Variants in CDH10 observed in about 807,000 individuals in gnomAD.
The protein encoded by CDH10 is cadherin-10.
CDH10 carries 30 observed loss-of-function variants against 73.1 expected under a neutral mutation model. That is an observed-to-expected ratio of 0.41 (90% CI 0.31 to 0.56). CDH10 has a LOEUF of 0.56. Among genes scored for constraint, CDH10 ranks in the 20% least tolerant of loss-of-function variants. The pLI, the probability that CDH10 is intolerant of heterozygous loss-of-function variation, is 0.27. For synonymous variants in CDH10, 345 were observed against 348.2 expected, an observed-to-expected ratio of 0.99 and a Z score of 0.10; for missense variants, 815 against 973.7, an observed-to-expected ratio of 0.84 and a Z score of 2.17.
chr5:24,527,307 TTAAA>T (rs1408861441), intron 5 of CDH10, among the ~76,000 whole-genome samples: 2 of 147,562 alleles, frequency 1.4e-5, no homozygotes, highest in African/African-American at 2.5e-5. Context: ...ATTTATATAA[TTAAA>T]TATACAGTCT....
intron 1 of CDH10, among the ~76,000 whole-genome samples, chr5:24,639,964 G>A (rs957898332): frequency 5.3e-5 from 8 of 151,702 alleles, no homozygotes; most frequent in African/African-American, 4.8e-5. Flanking sequence ...AAACTACACT[G>A]GTGCCAATTT....
chr5:24,529,714 C>T (rs1330129312), intron 5 of CDH10, among the ~76,000 whole-genome samples: 2 of 151,904 alleles, frequency 1.3e-5, no homozygotes, highest in Non-Finnish European at 2.9e-5. Flanking sequence ...CTCAATCATA[C>T]AGTGACCTTT....
chr5:24,590,645 G>A (rs1440659201), intron 2 of CDH10, among the ~76,000 whole-genome samples: 1 of 151,980 alleles, frequency 6.6e-6, no homozygotes, highest in Non-Finnish European at 1.5e-5. Context: ...GTTTCTATCT[G>A]AGAAATTATA....
At chr5:24,551,893 C>T (rs1351987974) in intron 2 of CDH10, among the ~76,000 whole-genome samples, 3 of 152,126 alleles carry the variant, frequency 2.0e-5, no homozygotes, top group Admixed American at 6.5e-5. Context: ...CTTCCTTATC[C>T]ATCTTTTAGA....
rs529527908 is a variant in CDH10, at chr5:24,591,139, A to ATCC, written c.231+2120_231+2121insGGA. 3.6e-3 allele frequency among the ~76,000 whole-genome samples: 546 copies of ATCC among 151,608 alleles called. 1 individual carries two copies. Among genetic ancestry groups the ATCC allele is most frequent in the Middle Eastern group, 0.014 (4 of 294 alleles). On this transcript the variant is annotated intron_variant, in intron 2 of 11. Coordinates refer to ENST00000264463, the MANE Select transcript of CDH10 (RefSeq NM_006727.5). ...ATGTTAAACATTGCCTTTTTGTCAT[A>ATCC]TCATGTGTATGTTTATCTCTTAAAT...
chr5:24,620,380 A>C (rs1747271932), intron 1 of CDH10, among the ~76,000 whole-genome samples: 1 of 152,170 alleles, frequency 6.6e-6, no homozygotes, highest in Non-Finnish European at 1.5e-5. Flanking sequence ...TGAGAAAAAA[A>C]ATTATTAAAA....
At chr5:24,493,028 C>A in intron 9 of CDH10, 103 bp from the exon 10 acceptor site, 1 of 629,856 alleles carries the variant, frequency 1.6e-6, no homozygotes, top group Non-Finnish European at 2.9e-6. Context: ...AAATAATTGA[C>A]TTTTATTTCA....
At chr5:24,520,309 A>C (rs1743266370) in intron 5 of CDH10, among the ~76,000 whole-genome samples, 1 of 152,214 alleles carries the variant, frequency 6.6e-6, no homozygotes, top group South Asian at 2.1e-4. Context: ...TGTGAGCTAT[A>C]CTTATATGGA....
rs774126411 is a variant in CDH10, at chr5:24,491,657, T to C, written c.1795A>G (p.Ser599Gly). 2 of 1,613,946 alleles carry C rather than the reference T, an allele frequency of 1.2e-6. No individual in the cohort carries two copies. The highest frequency in any genetic ancestry group is 1.3e-5 in the African/African-American group (1 of 75,044). ...CDSQGNMQSC[S>G]AEALLLPAGL... ...GCAGGGAGGAGCAGGGCTTCAGCACTGCAGGATTGCATGTTGCCTTGGCTG... is the reference window on the plus strand; with the variant it reads ...GCAGGGAGGAGCAGGGCTTCAGCACCGCAGGATTGCATGTTGCCTTGGCTG... Residue 599 changes from serine (S) to glycine (G), a missense_variant, in exon 11 of 12, where the codon AGT (serine) becomes GGT (glycine). Around this residue, in one of 3 missense-constraint regions of CDH10, gnomAD observed 241 missense variants for 240.3 expected, o/e 1.00. Coordinates refer to ENST00000264463, the MANE Select transcript of CDH10 (RefSeq NM_006727.5).
intron 2 of CDH10, among the ~76,000 whole-genome samples, chr5:24,553,366 A>T (rs1744621270): frequency 6.6e-6 from 1 of 152,244 alleles, no homozygotes; most frequent in South Asian, 2.1e-4. Flanking sequence ...CTTCTGGGAC[A>T]GTCTATAAAT....
intron 2 of CDH10, among the ~76,000 whole-genome samples, chr5:24,546,661 G>C (rs1348339883): frequency 6.6e-6 from 1 of 151,968 alleles, no homozygotes; most frequent in Non-Finnish European, 1.5e-5. Context: ...TATATAATTT[G>C]TGTGCACAAA....
intron 1 of CDH10, chr5:24,612,812 A>G (rs776267048): frequency 6.6e-6 from 1 of 152,196 alleles, no homozygotes; most frequent in African/African-American, 2.4e-5. Context: ...CATAAATGGA[A>G]CTTTTGAAAT....
At chr5:24,583,316 A>G (rs1745870140) in intron 2 of CDH10, among the ~76,000 whole-genome samples, 1 of 152,084 alleles carries the variant, frequency 6.6e-6, no homozygotes, top group Non-Finnish European at 1.5e-5. Flanking sequence ...GGAATATGTA[A>G]CAAAAAACTG....
At chr5:24,504,541 T>TAAGA in intron 8 of CDH10, among the ~76,000 whole-genome samples, 1 of 122,148 alleles carries the variant, frequency 8.2e-6, no homozygotes, top group South Asian at 2.8e-4. Flanking sequence ...TTTTTTTTTT[T>TAAGA]TTAAGATGGA....
At chr5:24,506,265 A>G (rs76750457) in intron 7 of CDH10, among the ~76,000 whole-genome samples, 2,220 of 152,298 alleles carry the variant, frequency 0.015, 53 homozygotes, top group African/African-American at 0.047. Context: ...CCAGCATGGT[A>G]CGCTGGGCAT....
intron 2 of CDH10, among the ~76,000 whole-genome samples, chr5:24,562,717 C>A (rs144441830): frequency 1.4e-4 from 21 of 152,254 alleles, no homozygotes; most frequent in African/African-American, 5.1e-4. Context: ...TCTATTCTCA[C>A]TCCTTCCACG....
In CDH10 at chr5:24,642,469, G is replaced by GA. The variant is rs774975703; in HGVS notation, c.-124+2124dup. Among the ~76,000 whole-genome samples, 22 of 151,568 alleles carry GA rather than the reference G, an allele frequency of 1.5e-4. No homozygotes were observed. The East Asian group carries it at 2.7e-3, about 19-fold the overall frequency. On this transcript the variant is annotated intron_variant, in intron 1 of 11. Transcript: ENST00000264463. ...TTTCAAGTAGTCTATTTTTCAACAA[G>GA]AAAAAAAACATACCTCTTCCAGATT...
intron 2 of CDH10, among the ~76,000 whole-genome samples, chr5:24,557,668 A>T (rs1056907830): frequency 6.6e-6 from 1 of 151,836 alleles, no homozygotes; most frequent in African/African-American, 2.4e-5. Context: ...AAGAAAAAAA[A>T]TAATAAAAGC....
At chr5:24,594,392 T>C (rs1477106937) in intron 1 of CDH10, among the ~76,000 whole-genome samples, 1 of 151,892 alleles carries the variant, frequency 6.6e-6, no homozygotes, top group African/African-American at 2.4e-5. Context: ...CTCAACAAAA[T>C]TTCCTTAGAA....
Sources: allele counts gnomAD v4.1 joint callset (sites outside exome capture counted in the v4.1 genomes callset), GRCh38; gene constraint gnomAD v4.1.1; regional missense constraint gnomAD v4.1.1; transcripts MANE v1.5; gene names NCBI Gene and HGNC (gene_info 2026-07-23, HGNC 2026-07-21).